The following MPIG6B variants were observed in gnomAD, a reference collection of about 807,000 sequenced individuals.
MPIG6B encodes the protein immunoglobulin receptor.
Under a neutral mutation model 24.2 loss-of-function variants are expected in MPIG6B, and 22 were observed. That is an observed-to-expected ratio of 0.91 (90% CI 0.65 to 1.30). The LOEUF (loss-of-function observed/expected upper bound fraction) is 1.30. MPIG6B is among the 50% of genes most tolerant of loss of function. The probability of loss-of-function intolerance (pLI) is 0.00; values close to 1 mark genes in which losing one functional copy is unlikely to be tolerated. For synonymous variants in MPIG6B, 136 were observed against 142.0 expected, an observed-to-expected ratio of 0.96 and a Z score of 0.30; for missense variants, 301 against 318.5, an observed-to-expected ratio of 0.94 and a Z score of 0.42.
chr6:31,724,554 G>C, intron 3 of MPIG6B, 33 bp from the exon 4 acceptor site: 1 of 1,592,126 alleles, frequency 6.3e-7, no homozygotes, highest in East Asian at 2.2e-5. Context: ...AGACAAGACT[G>C]GTGGTTCTCA....
chr6:31,723,860 G>GAGCTC lies in MPIG6B; in HGVS notation c.284_288dup (p.Leu97SerfsTer4), dbSNP rs764525124. 1 of 1,612,062 alleles carries GAGCTC rather than the reference G, an allele frequency of 6.2e-7. No homozygotes were observed. Among genetic ancestry groups the GAGCTC allele is most frequent in the Non-Finnish European group, 8.5e-7 (1 of 1,179,076 alleles). On this transcript the variant is annotated frameshift_variant, in exon 2 of 6. Coordinates refer to ENST00000649779, the MANE Select transcript of MPIG6B (RefSeq NM_138272.3). LOFTEE classifies it high-confidence loss of function. This position sits in a 1 kb window ranked among gnomAD's most constrained non-coding sequence, Gnocchi z 4.3. ...CCTGGACTCTGGTATCCGGCGGCTG[G>GAGCTC]AGCTCCTCTTGAGCGCGGGGGACTC...
At position 31,724,453 on chromosome 6, in the gene MPIG6B, C is replaced by T. The variant is rs550703840; in HGVS notation, c.501-134C>T. On this transcript the variant is annotated intron_variant, in intron 3 of 5. Coordinates refer to ENST00000649779, the MANE Select transcript of MPIG6B (RefSeq NM_138272.3). ...CAGCAGAGTTAGAGCCTGGGCTGGA[C>T]TGTCGGTGGGGTAGAGTCTAAGTTG... 338 of 850,064 alleles carry T rather than the reference C, an allele frequency of 4.0e-4. 1 individual carries two copies. In the African/African-American group the frequency reaches 5.0e-3, roughly 13 times the overall value. 52.7% of individuals were successfully genotyped at this position (850,064 alleles called of 1,614,324 possible).
chr6:31,724,382 G>T, intron 3 of MPIG6B, 150 bp downstream of exon 3: 1 of 778,738 alleles, frequency 1.3e-6, no homozygotes, highest in Non-Finnish European at 2.1e-6. Flanking sequence ...GAGCGAGGCC[G>T]CTGACTGGTG....
rs1290805289 is a variant in MPIG6B at position 31,726,265 on chromosome 6, A to C, written c.*1191A>C. ...TCTCCTTAGCTTCAGCTCTGTGCCC[A>C]CGTGCCTTGGCTTTGGATACAAGGT... is the stretch of plus-strand genomic sequence containing the variant. On this transcript the variant is annotated 3_prime_UTR_variant, in exon 6 of 6. Coordinates refer to ENST00000649779, the MANE Select transcript of MPIG6B (RefSeq NM_138272.3). The surrounding 1 kb of genome is among the most constrained non-coding windows in gnomAD (Gnocchi z 5.1). 6.6e-6 allele frequency: 1 copy of C among 152,238 alleles called. No individual in the cohort carries two copies. Among genetic ancestry groups the C allele is most frequent in the Non-Finnish European group, 1.5e-5 (1 of 68,042 alleles). The allele number at this position is 152,238 out of a possible 1,614,324, so 9.4% of individuals were successfully genotyped here. A position where few individuals can be genotyped will look rare whatever the true frequency, so the allele number is the denominator to read the frequency against.
Position 31,725,149 on chromosome 6 carries a change from C to T in MPIG6B, c.*75C>T. On this transcript the variant is annotated 3_prime_UTR_variant, in exon 6 of 6. Transcript: ENST00000649779. The surrounding 1 kb of genome is among the most constrained non-coding windows in gnomAD (Gnocchi z 5.2). ...ATAATCCCTCTCCCCTCCTTGGTTCCTCACCTGGAAGAGGAAGGCACCATG... is the reference window on the plus strand; with the variant it reads ...ATAATCCCTCTCCCCTCCTTGGTTCTTCACCTGGAAGAGGAAGGCACCATG... The T allele has an allele frequency of 8.9e-7, 1 of 1,117,838 alleles. No homozygotes were observed. The highest frequency in any genetic ancestry group is 1.3e-6 in the Non-Finnish European group (1 of 745,472). The allele number at this position is 1,117,838 out of a possible 1,614,324, so 69.2% of individuals were successfully genotyped here. A position where few individuals can be genotyped will look rare whatever the true frequency, so the allele number is the denominator to read the frequency against.
At chr6:31,724,736 C>T in intron 4 of MPIG6B, 29 bp from the exon 5 acceptor site, 1 of 1,613,786 alleles carries the variant, frequency 6.2e-7, no homozygotes, top group Non-Finnish European at 8.5e-7. Flanking sequence ...ACCTTCTCTC[C>T]ATCCTTCAGC....
At position 31,726,348 on chromosome 6, in the gene MPIG6B, A is replaced by T. The variant is rs1807364354; in HGVS notation, c.*1274A>T. ...CTGTGTCATTCCACATGCACATCTT[A>T]GAAAATGCCAGCCTTAGAGAATTCT... On this transcript the variant is annotated 3_prime_UTR_variant, in exon 6 of 6. Transcript: ENST00000649779. The surrounding 1 kb of genome is among the most constrained non-coding windows in gnomAD (Gnocchi z 5.1). The T allele has an allele frequency of 6.6e-6, 1 of 152,284 alleles. No homozygotes were observed. Among genetic ancestry groups the T allele is most frequent in the African/African-American group, 2.4e-5 (1 of 41,466 alleles). The allele number at this position is 152,284 out of a possible 1,614,324, so 9.4% of individuals were successfully genotyped here.
In MPIG6B at chr6:31,724,758, C is replaced by G. The variant is rs369290330; in HGVS notation, c.542-7C>G. On this transcript the variant is annotated splice_polypyrimidine_tract_variant and splice_region_variant and intron_variant, in intron 4 of 5. Coordinates refer to ENST00000649779, the MANE Select transcript of MPIG6B (RefSeq NM_138272.3). Reference sequence around the variant, plus strand: ...CTCCATCCTTCAGCTCTGTCCCCCCCACATAGCTCCACTTGTGAAAACCGA... The same window carrying G: ...CTCCATCCTTCAGCTCTGTCCCCCCGACATAGCTCCACTTGTGAAAACCGA... 40 of 1,614,048 alleles carry G rather than the reference C, an allele frequency of 2.5e-5. No homozygotes were observed. Among genetic ancestry groups the G allele is most frequent in the African/African-American group, 1.5e-4 (11 of 75,000 alleles).
chr6:31,723,264 CTCTCTTATCGGAG>C, upstream of MPIG6B: 4 of 743,748 alleles, frequency 5.4e-6, no homozygotes, highest in Admixed American at 4.5e-5. The surrounding 1 kb of genome is among the most constrained non-coding windows in gnomAD (Gnocchi z 4.3). Context: ...GCCCCGCCCC[CTCTCTTATCGGAG>C]CCCCCCAGCC....
Position 31,724,194 on chromosome 6 carries a change from C to CGGACT in MPIG6B, c.465_469dup (p.Gly157AspfsTer30). 6.2e-7 allele frequency: 1 copy of CGGACT among 1,613,262 alleles called. No homozygotes were observed. Among genetic ancestry groups the CGGACT allele is most frequent in the Non-Finnish European group, 8.5e-7 (1 of 1,179,958 alleles). ...CGCTGCTGGGCGCTGGGTTGGTGCT[C>CGGACT]GGACTGGGAGCTTTGGGCCTGGTCT... On this transcript the variant is annotated frameshift_variant, in exon 3 of 6. Coordinates refer to ENST00000649779, the MANE Select transcript of MPIG6B (RefSeq NM_138272.3). LOFTEE classifies it high-confidence loss of function.
chr6:31,723,333 C>T (rs775059384), upstream of MPIG6B: 6 of 1,543,572 alleles, frequency 3.9e-6, no homozygotes, highest in African/African-American at 1.4e-5. The surrounding 1 kb of genome is among the most constrained non-coding windows in gnomAD (Gnocchi z 4.3). Flanking sequence ...CCCCCCCAAC[C>T]GGCCCCACGC....
At chr6:31,720,381 G>T (rs1806717104), upstream of MPIG6B, among the ~76,000 whole-genome samples, 1 of 152,204 alleles carries the variant, frequency 6.6e-6, no homozygotes, top group Non-Finnish European at 1.5e-5. The surrounding 1 kb of genome is among the most constrained non-coding windows in gnomAD (Gnocchi z 4.9). Flanking sequence ...ATGGAAAGTG[G>T]GCGGCAGGTA....
At chr6:31,721,568 G>T (rs1460087477), upstream of MPIG6B, 12 of 1,526,338 alleles carry the variant, frequency 7.9e-6, no homozygotes, top group Admixed American at 1.7e-5. Context: ...GAAGTGGGTA[G>T]AGCAGGGTGT....
upstream of MPIG6B, chr6:31,723,276 A>T: frequency 7.4e-6 from 4 of 536,920 alleles, no homozygotes; most frequent in Non-Finnish European, 1.0e-5. The surrounding 1 kb of genome is among the most constrained non-coding windows in gnomAD (Gnocchi z 4.3). Context: ...CTCTTATCGG[A>T]GCCCCCCAGC....
chr6:31,723,263 C>T (rs1806943776), upstream of MPIG6B: 1 of 733,732 alleles, frequency 1.4e-6, no homozygotes, highest in South Asian at 1.5e-5. The surrounding 1 kb of genome is among the most constrained non-coding windows in gnomAD (Gnocchi z 4.3). Context: ...GGCCCCGCCC[C>T]CTCTCTTATC....
chr6:31,723,282 C>A, upstream of MPIG6B: 1 of 926,616 alleles, frequency 1.1e-6, no homozygotes. The surrounding 1 kb of genome is among the most constrained non-coding windows in gnomAD (Gnocchi z 4.3). Flanking sequence ...TCGGAGCCCC[C>A]CAGCCCCTCC....
In MPIG6B at chr6:31,725,119, TC is replaced by T. The variant is rs767953178; in HGVS notation, c.*49del. ...ACCTCCCAAGCTAGGGGATCCCAGC[TC>T]CCCATAATCCCTCTCCCCTCCTTGG... On this transcript the variant is annotated 3_prime_UTR_variant, in exon 6 of 6. Coordinates refer to ENST00000649779, the MANE Select transcript of MPIG6B (RefSeq NM_138272.3). This position sits in a 1 kb window ranked among gnomAD's most constrained non-coding sequence, Gnocchi z 5.2. The T allele has an allele frequency of 7.3e-7, 1 of 1,360,912 alleles. No homozygotes were observed. Among genetic ancestry groups the T allele is most frequent in the Admixed American group, 1.7e-5 (1 of 58,036 alleles). The allele number at this position is 1,360,912 out of a possible 1,614,324, so 84.3% of individuals were successfully genotyped here. A position where few individuals can be genotyped will look rare whatever the true frequency, so the allele number is the denominator to read the frequency against.
At position 31,725,915 on chromosome 6, in the gene MPIG6B, C is replaced by T. The variant is rs1807328652; in HGVS notation, c.*841C>T. The T allele has an allele frequency of 6.6e-6, 1 of 152,362 alleles. No homozygotes were observed. The highest frequency in any genetic ancestry group is 2.1e-4 in the South Asian group (1 of 4,834). The allele number at this position is 152,362 out of a possible 1,614,324, so 9.4% of individuals were successfully genotyped here. A position where few individuals can be genotyped will look rare whatever the true frequency, so the allele number is the denominator to read the frequency against. On this transcript the variant is annotated 3_prime_UTR_variant, in exon 6 of 6. Coordinates refer to ENST00000649779, the MANE Select transcript of MPIG6B (RefSeq NM_138272.3). This position sits in a 1 kb window ranked among gnomAD's most constrained non-coding sequence, Gnocchi z 5.2. ...TGTCAAACCCAACTCATTGTCATCT[C>T]TGAAGCTGCTCACTTAATTCTCCTC...
rs1242464388 is a variant in MPIG6B, at chr6:31,725,173, T to C, written c.*99T>C. 1 of 856,904 alleles carries C rather than the reference T, an allele frequency of 1.2e-6. No homozygotes were observed. Among genetic ancestry groups the C allele is most frequent in the Non-Finnish European group, 1.9e-6 (1 of 529,818 alleles). 53.1% of individuals were successfully genotyped at this position (856,904 alleles called of 1,614,324 possible). ...CCTCACCTGGAAGAGGAAGGCACCA[T>C]GGTATAGAAATAAGTGCTAGACTGG... On this transcript the variant is annotated 3_prime_UTR_variant, in exon 6 of 6. Transcript: ENST00000649779. The surrounding 1 kb of genome is among the most constrained non-coding windows in gnomAD (Gnocchi z 5.2).
Sources: gnomAD v4.1 joint callset for allele counts (sites outside exome capture counted in the v4.1 genomes callset) on GRCh38, gnomAD v4.1.1 for gene constraint, Gnocchi (gnomAD v3.1) non-coding constraint, MANE v1.5 for transcripts, NCBI Gene and HGNC (gene_info 2026-07-23, HGNC 2026-07-21) for gene names.